DOCK3: variants seen among roughly 807,000 people sequenced by gnomAD.
DOCK3 encodes dedicator of cytokinesis 3.
DOCK3 carries 60 observed loss-of-function variants against 265.6 expected under a neutral mutation model. The observed-to-expected ratio is 0.23, with a 90% CI of 0.18 to 0.28. DOCK3 has a LOEUF of 0.28. DOCK3 is among the 10% of genes least tolerant of loss of function. The pLI, the probability that DOCK3 is intolerant of heterozygous loss-of-function variation, is 1.00. For missense variants in DOCK3, 1,981 were observed against 2,594.3 expected, an observed-to-expected ratio of 0.76 and a Z score of 5.14; for synonymous variants, 881 against 938.0, an observed-to-expected ratio of 0.94 and a Z score of 1.11.
chr3:51,124,958 T>G (rs1221056352), intron 9 of DOCK3, among the ~76,000 whole-genome samples: 3 of 109,360 alleles, frequency 2.7e-5, no homozygotes, highest in Non-Finnish European at 5.4e-5. Context: ...GGTGAAACCC[T>G]GTCTCTACTA....
chr3:50,697,310 C>T (rs1448644355), intron 1 of DOCK3, among the ~76,000 whole-genome samples: 1 of 152,100 alleles, frequency 6.6e-6, no homozygotes, highest in African/African-American at 2.4e-5. Flanking sequence ...AAATGCAAGT[C>T]TGGGCATGGT....
intron 12 of DOCK3, among the ~76,000 whole-genome samples, chr3:51,188,541 C>T (rs2107808914): frequency 6.6e-6 from 1 of 152,298 alleles, no homozygotes; most frequent in African/African-American, 2.4e-5. Context: ...ATCCTCCTTA[C>T]TGTGTGTTTG....
intron 14 of DOCK3, among the ~76,000 whole-genome samples, chr3:51,225,239 GAAACCCTTCTTGAGGGAA>G (rs1304124105): frequency 6.6e-6 from 1 of 152,158 alleles, no homozygotes; most frequent in Non-Finnish European, 1.5e-5. Context: ...CTATAAAAGA[GAAACCCTTCTTGAGGGAA>G]AAGAAGAGGG....
chr3:50,772,080 G>T (rs1295374503), intron 1 of DOCK3, among the ~76,000 whole-genome samples: 1 of 152,122 alleles, frequency 6.6e-6, no homozygotes, highest in Non-Finnish European at 1.5e-5. Flanking sequence ...AGAAAATGTG[G>T]TACACATACA....
chr3:51,338,870 G>A, intron 36 of DOCK3, 65 bp from the exon 37 acceptor site: 1 of 1,403,938 alleles, frequency 7.1e-7, no homozygotes, highest in Non-Finnish European at 9.9e-7. Flanking sequence ...GCTATGGCCA[G>A]CTGCCCAGAG....
chr3:51,276,551 G>A, intron 25 of DOCK3: 10 of 524,706 alleles, frequency 1.9e-5, no homozygotes, highest in Non-Finnish European at 2.2e-5. Context: ...GTTATGATCA[G>A]TTCGACAGAT....
chr3:50,934,564 C>T (rs58704403), intron 5 of DOCK3, among the ~76,000 whole-genome samples: 3,113 of 152,184 alleles, frequency 0.02, 105 homozygotes, highest in African/African-American at 0.071. Flanking sequence ...TGATGGCTCA[C>T]ACCTGTAATC....
intron 3 of DOCK3, among the ~76,000 whole-genome samples, chr3:50,861,676 A>G (rs1369046853): frequency 6.6e-6 from 1 of 150,696 alleles, no homozygotes; most frequent in African/African-American, 2.4e-5. Flanking sequence ...TCATTGCATG[A>G]TGGCCTTCTT....
At chr3:50,772,641 G>A (rs772195460) in intron 1 of DOCK3, among the ~76,000 whole-genome samples, 1 of 152,066 alleles carries the variant, frequency 6.6e-6, no homozygotes, top group Non-Finnish European at 1.5e-5. Context: ...ATTTATATGT[G>A]CTACGATTAT....
chr3:50,874,857 C>G (rs1251566411), intron 3 of DOCK3, among the ~76,000 whole-genome samples: 1 of 151,964 alleles, frequency 6.6e-6, no homozygotes, highest in Non-Finnish European at 1.5e-5. Context: ...TTAGGTTTCT[C>G]TAAATATAAG....
intron 3 of DOCK3, among the ~76,000 whole-genome samples, chr3:50,889,066 G>GGGGGGTGTGT (rs869046567): frequency 9.7e-5 from 13 of 134,268 alleles, no homozygotes; most frequent in African/African-American, 3.3e-4. Context: ...TTAAGCCATG[G>GGGGGGTGTGT]GTGTGTGTGT....
At chr3:50,766,729 A>G (rs539483764) in intron 1 of DOCK3, among the ~76,000 whole-genome samples, 140 of 152,354 alleles carry the variant, frequency 9.2e-4, no homozygotes, top group African/African-American at 3.3e-3. Flanking sequence ...ACCAGTTTAC[A>G]GTCCCACCAA....
At chr3:51,031,077 G>A (rs1015564952) in intron 5 of DOCK3, among the ~76,000 whole-genome samples, 2 of 152,156 alleles carry the variant, frequency 1.3e-5, no homozygotes, top group African/African-American at 4.8e-5. Context: ...TGGGCGGCTG[G>A]AAACTATCAT....
intron 5 of DOCK3, among the ~76,000 whole-genome samples, chr3:50,940,190 C>G (rs2076249608): frequency 6.6e-6 from 1 of 150,906 alleles, no homozygotes; most frequent in South Asian, 2.1e-4. Flanking sequence ...GGCACAGTGT[C>G]TCATGCTTGT....
At chr3:50,894,820 GATTGGTTCTGTTTACATAGT>G (rs1371034350) in intron 4 of DOCK3, among the ~76,000 whole-genome samples, 2 of 152,058 alleles carry the variant, frequency 1.3e-5, no homozygotes, top group Non-Finnish European at 2.9e-5. Flanking sequence ...TATGAATAGT[GATTGGTTCTGTTTACATAGT>G]TGGTTAATTA....
chr3:50,858,333 C>T (rs1389549628), intron 3 of DOCK3, among the ~76,000 whole-genome samples: 1 of 151,400 alleles, frequency 6.6e-6, no homozygotes, highest in African/African-American at 2.4e-5. Context: ...ATGTAAATGA[C>T]GAGTTGATGG....
At chr3:51,278,640 TGGCA>T in intron 26 of DOCK3, 2 of 771,460 alleles carry the variant, frequency 2.6e-6, no homozygotes, top group Non-Finnish European at 3.1e-6. Context: ...ATATGTACCC[TGGCA>T]TTTCCTGGTA....
intron 5 of DOCK3, among the ~76,000 whole-genome samples, chr3:51,015,204 G>A (rs1272263606): frequency 6.6e-6 from 1 of 152,010 alleles, no homozygotes; most frequent in East Asian, 1.9e-4. Context: ...TCCTTGTCAT[G>A]TTCCAGATCT....
chr3:50,945,072 A>G (rs779728113), intron 5 of DOCK3, among the ~76,000 whole-genome samples: 8 of 152,236 alleles, frequency 5.3e-5, no homozygotes, highest in Non-Finnish European at 1.0e-4. Context: ...ACATTCAACT[A>G]GAGTATCCTG....
Sources: gnomAD v4.1 joint callset for allele counts (sites outside exome capture counted in the v4.1 genomes callset) on GRCh38, gnomAD v4.1.1 for gene constraint, MANE v1.5 for transcripts, NCBI Gene and HGNC (gene_info 2026-07-23, HGNC 2026-07-21) for gene names.